Variants in BBS9 observed in about 807,000 individuals in gnomAD.
BBS9 encodes protein PTHB1.
In BBS9, 89 loss-of-function variants were observed where a neutral mutation model predicts 117.7. The observed-to-expected ratio is 0.76, with a 90% CI of 0.64 to 0.90. The LOEUF (loss-of-function observed/expected upper bound fraction) is 0.90, where lower values mean the gene tolerates loss of function less well. BBS9 is among the 40% of genes least tolerant of loss of function. BBS9 has a pLI of 0.00. For synonymous variants in BBS9, 379 were observed against 370.9 expected (o/e 1.02, Z -0.25); for missense variants, 982 against 1,042.2 (o/e 0.94, Z 0.80).
chr7:33,152,798 A>G lies in BBS9; in HGVS notation c.210A>G (p.Leu70=). 1 of 1,613,978 alleles carries G rather than the reference A, an allele frequency of 6.2e-7. No homozygotes were observed. Among genetic ancestry groups the G allele is most frequent in the Non-Finnish European group, 8.5e-7 (1 of 1,179,958 alleles). ...GDGAQAEDLL[L]EVDLRDPVLQ... The stretch of plus-strand genomic sequence containing the variant: ...GAGCTCAAGCCGAAGATTTGCTTCT[A>G]GAAGTGGATCTACGAGATCCAGTAC... The change falls in exon 3 of 23, where the codon CTA becomes CTG. Residue 70 remains leucine, a synonymous_variant. Transcript: ENST00000242067.
intron 21 of BBS9, among the ~76,000 whole-genome samples, chr7:33,578,635 G>C (rs1317626298): frequency 1.3e-5 from 2 of 152,150 alleles, no homozygotes; most frequent in African/African-American, 4.8e-5. Flanking sequence ...CACTCACCTA[G>C]CATAATCTCC....
At chr7:33,239,882 A>C (rs967303158) in intron 5 of BBS9, among the ~76,000 whole-genome samples, 45 of 152,112 alleles carry the variant, frequency 3.0e-4, no homozygotes, top group African/African-American at 9.6e-4. Context: ...GGTGCTGCAC[A>C]CCTGTAGTCT....
At chr7:33,432,801 G>T (rs1289556085) in intron 19 of BBS9, among the ~76,000 whole-genome samples, 10 of 150,786 alleles carry the variant, frequency 6.6e-5, no homozygotes, top group Admixed American at 5.3e-4. Flanking sequence ...TTTTTTCAAG[G>T]TATTTTCCCT....
chr7:33,425,337 T>A (rs935514509), intron 19 of BBS9, among the ~76,000 whole-genome samples: 14 of 152,214 alleles, frequency 9.2e-5, no homozygotes, highest in Non-Finnish European at 2.1e-4. Context: ...AGGCACACTT[T>A]AAAAAAATTT....
intron 21 of BBS9, among the ~76,000 whole-genome samples, chr7:33,545,386 TGC>T (rs200285283): frequency 6.6e-6 from 1 of 152,280 alleles, no homozygotes; most frequent in East Asian, 1.9e-4. Context: ...GCCTTTCTGC[TGC>T]TTCCTCTATC....
intron 20 of BBS9, among the ~76,000 whole-genome samples, chr7:33,509,747 T>G (rs1052535820): frequency 6.6e-6 from 1 of 152,218 alleles, no homozygotes; most frequent in African/African-American, 2.4e-5. Context: ...CTAAATGCAA[T>G]AGCCAACCGT....
At chr7:33,255,061 G>A (rs1295966351) in intron 5 of BBS9, among the ~76,000 whole-genome samples, 1 of 151,918 alleles carries the variant, frequency 6.6e-6, no homozygotes, top group Non-Finnish European at 1.5e-5. Flanking sequence ...GAGACTAATT[G>A]CTTATCAGAT....
intron 20 of BBS9, among the ~76,000 whole-genome samples, chr7:33,517,535 G>A (rs1007912139): frequency 3.9e-5 from 6 of 152,194 alleles, no homozygotes; most frequent in African/African-American, 1.4e-4. Context: ...TTCTCTGGCA[G>A]GAGTGAGCAC....
At chr7:33,520,423 T>C (rs1029600819) in intron 20 of BBS9, among the ~76,000 whole-genome samples, 2 of 152,184 alleles carry the variant, frequency 1.3e-5, no homozygotes, top group African/African-American at 4.8e-5. Context: ...GTAAGAATAA[T>C]GGTATGGGAA....
intron 21 of BBS9, among the ~76,000 whole-genome samples, chr7:33,596,736 T>C (rs976927038): frequency 2.0e-5 from 3 of 152,192 alleles, no homozygotes; most frequent in Admixed American, 6.5e-5. Context: ...TCACCTCTAA[T>C]GTCTTGTGTA....
intron 21 of BBS9, among the ~76,000 whole-genome samples, chr7:33,546,260 G>A (rs55978061): frequency 0.62 from 94,394 of 151,888 alleles, 30,277 homozygotes; most frequent in African/African-American, 0.77. Flanking sequence ...ACTTTCATTA[G>A]GTTATTTCAT....
At chr7:33,508,813 T>C (rs1322679016) in intron 20 of BBS9, among the ~76,000 whole-genome samples, 1 of 152,200 alleles carries the variant, frequency 6.6e-6, no homozygotes, top group African/African-American at 2.4e-5. Context: ...AGGAAGACTT[T>C]CCTAGAAATA....
At chr7:33,405,515 T>A (rs1403388849) in intron 19 of BBS9, among the ~76,000 whole-genome samples, 1 of 152,212 alleles carries the variant, frequency 6.6e-6, no homozygotes, top group Non-Finnish European at 1.5e-5. Context: ...ATTGCCACAA[T>A]TTCAGAGCCT....
chr7:33,288,960 A>G (rs1803453838), intron 9 of BBS9, among the ~76,000 whole-genome samples: 1 of 152,176 alleles, frequency 6.6e-6, no homozygotes, highest in Admixed American at 6.5e-5. Flanking sequence ...AGCTAATTAC[A>G]GCCTAAGTGA....
chr7:33,280,174 A>G (rs931248154), intron 9 of BBS9, among the ~76,000 whole-genome samples: 1 of 152,028 alleles, frequency 6.6e-6, no homozygotes, highest in South Asian at 2.1e-4. Context: ...GCTTATTTAA[A>G]TTTTTTTAAA....
intron 5 of BBS9, among the ~76,000 whole-genome samples, chr7:33,188,546 G>A (rs1188655036): frequency 1.3e-5 from 2 of 152,184 alleles, no homozygotes; most frequent in Non-Finnish European, 2.9e-5. Context: ...TAAGGGTAGG[G>A]ATAAGAAGAG....
At chr7:33,594,018 A>G (rs528727640) in intron 21 of BBS9, among the ~76,000 whole-genome samples, 1 of 152,140 alleles carries the variant, frequency 6.6e-6, no homozygotes, top group African/African-American at 2.4e-5. Flanking sequence ...TTGGACACCT[A>G]TCATTATTCA....
chr7:33,192,611 A>C (rs1293735892), intron 5 of BBS9, among the ~76,000 whole-genome samples: 2 of 152,196 alleles, frequency 1.3e-5, no homozygotes, highest in African/African-American at 2.4e-5. Context: ...GTTACATTAA[A>C]CCTGAGATTT....
At chr7:33,267,927 T>C (rs1405042019) in intron 7 of BBS9, among the ~76,000 whole-genome samples, 1 of 152,194 alleles carries the variant, frequency 6.6e-6, no homozygotes, top group Non-Finnish European at 1.5e-5. Context: ...TTTTTATGTA[T>C]ATACTGTTCT....
Sources: allele counts gnomAD v4.1 joint callset (sites outside exome capture counted in the v4.1 genomes callset), GRCh38; gene constraint gnomAD v4.1.1; transcripts MANE v1.5; gene names NCBI Gene and HGNC (gene_info 2026-07-23, HGNC 2026-07-21).